CADM4: variants seen among roughly 807,000 people sequenced by gnomAD.
The protein encoded by CADM4 is cell adhesion molecule 4.
Under a neutral mutation model 43.9 loss-of-function variants are expected in CADM4, and 13 were observed. That is an observed-to-expected ratio of 0.30 (90% CI 0.19 to 0.47). The LOEUF is 0.47. CADM4 is among the 20% of genes least tolerant of loss of function. The probability of loss-of-function intolerance (pLI) is 1.00; values close to 1 mark genes in which losing one functional copy is unlikely to be tolerated. For synonymous variants in CADM4, 209 were observed against 220.9 expected (o/e 0.95, Z 0.48); for missense variants, 420 against 527.0 (o/e 0.80, Z 1.99).
In CADM4 at chr19:43,625,577, A is replaced by AT. The variant is rs1359037197; in HGVS notation, c.756-328_756-327insA. 2.7e-4 allele frequency among the ~76,000 whole-genome samples: 37 copies of AT among 138,710 alleles called. No homozygotes were observed. The highest frequency in any genetic ancestry group is 9.6e-4 in the South Asian group (4 of 4,160). 91.0% of individuals were successfully genotyped at this position (138,710 alleles called of 152,430 possible). ...AGGGAGACCCCGTCACTACAATTAAAAAATAATAATAATAATAATAATAAT... is the reference window on the plus strand; with the variant it reads ...AGGGAGACCCCGTCACTACAATTAAATAAATAATAATAATAATAATAATAAT... On this transcript the variant is annotated intron_variant, in intron 6 of 8. Coordinates refer to ENST00000222374, the MANE Select transcript of CADM4 (RefSeq NM_145296.2). This position sits in a 1 kb window ranked among gnomAD's most constrained non-coding sequence, Gnocchi z 4.5.
At position 43,636,337 on chromosome 19, in the gene CADM4, G is replaced by A. The variant is rs552878839; in HGVS notation, c.64+3390C>T. 4.6e-3 allele frequency among the ~76,000 whole-genome samples: 695 copies of A among 152,236 alleles called. 2 individuals carry two copies. The highest frequency in any genetic ancestry group is 7.4e-3 in the Non-Finnish European group (506 of 67,994). On this transcript the variant is annotated intron_variant, in intron 1 of 8. Transcript: ENST00000222374. ...GAGGTCCTCCCTGGGTGTGGGGTAC[G>A]AGAGGAATTCCTGCTCCGGGAAGGG...
chr19:43,625,145 G>A lies in CADM4; in HGVS notation c.861C>T (p.Gly287=). The stretch of plus-strand genomic sequence containing the variant: ...TATTGGACGCCTCGCAAGTGTAGGT[G>A]CCGTTATCCGCGGATACCAGACCCG... ...TLPGLVSADN[G]TYTCEASNKH... Residue 287 remains glycine (G), a synonymous_variant, in exon 7 of 9, where the codon GGC becomes GGT. Coordinates refer to ENST00000222374, the MANE Select transcript of CADM4 (RefSeq NM_145296.2). This position sits in a 1 kb window ranked among gnomAD's most constrained non-coding sequence, Gnocchi z 4.5. 1 of 1,614,106 alleles carries A rather than the reference G, an allele frequency of 6.2e-7. No individual in the cohort carries two copies.
In CADM4 at chr19:43,623,326, A is replaced by G; in HGVS notation, c.*4T>C. 6.2e-7 allele frequency: 1 copy of G among 1,611,124 alleles called. No homozygotes were observed. The highest frequency in any genetic ancestry group is 8.5e-7 in the Non-Finnish European group (1 of 1,177,606). On this transcript the variant is annotated 3_prime_UTR_variant, in exon 9 of 9. Transcript: ENST00000222374. The surrounding 1 kb of genome is among the most constrained non-coding windows in gnomAD (Gnocchi z 4.4). ...CCAGGCCTAGGCCTGGGGTGGGGAT[A>G]GGGTCAGATGAAGAATTCCTCTTTC...
At position 43,627,155 on chromosome 19, in the gene CADM4, G is replaced by T. The variant is rs774965637; in HGVS notation, c.364+11C>A. On this transcript the variant is annotated intron_variant, in intron 3 of 8. Transcript: ENST00000222374. The surrounding 1 kb of genome is among the most constrained non-coding windows in gnomAD (Gnocchi z 4.0). ...AGGAGAGGATGCGTCTGACAAGGGG[G>T]AGGGCGTTACCTAGTACCGTGAGCG... is the stretch of plus-strand genomic sequence containing the variant. The T allele has an allele frequency of 2.6e-6, 4 of 1,558,056 alleles. No homozygotes were observed. The highest frequency in any genetic ancestry group is 3.5e-6 in the Non-Finnish European group (4 of 1,147,914).
chr19:43,639,929 A>AT (rs1255531661), upstream of CADM4: 1 of 612,456 alleles, frequency 1.6e-6, no homozygotes. Context: ...CGGGGAGGGG[A>AT]GGGGGAGACG....
chr19:43,624,951 T>C, intron 7 of CADM4, 127 bp downstream of exon 7: 3 of 1,062,392 alleles, frequency 2.8e-6, no homozygotes, highest in Non-Finnish European at 4.0e-6. Context: ...CGGGCCAGTC[T>C]GGTCCCAAAA....
chr19:43,623,100 C>T lies in CADM4; in HGVS notation c.*230G>A. On this transcript the variant is annotated 3_prime_UTR_variant, in exon 9 of 9. Transcript: ENST00000222374. The surrounding 1 kb of genome is among the most constrained non-coding windows in gnomAD (Gnocchi z 4.4). ...CTCACTGGACTTGGGGGGTCTGGAC[C>T]TTTGGCCCCTGCCCCCTGGGGGACC... 1.9e-6 allele frequency: 1 copy of T among 532,918 alleles called. No homozygotes were observed. Among genetic ancestry groups the T allele is most frequent in the South Asian group, 2.2e-5 (1 of 46,478 alleles). The allele number at this position is 532,918 out of a possible 1,614,324, so 33.0% of individuals were successfully genotyped here.
chr19:43,627,402 G>A lies in CADM4; in HGVS notation c.212-84C>T. 6.9e-7 allele frequency: 1 copy of A among 1,441,296 alleles called. No individual in the cohort carries two copies. The highest frequency in any genetic ancestry group is 2.4e-5 in the East Asian group (1 of 41,390). 89.3% of individuals were successfully genotyped at this position (1,441,296 alleles called of 1,614,324 possible). A position where few individuals can be genotyped will look rare whatever the true frequency, so the allele number is the denominator to read the frequency against. On this transcript the variant is annotated intron_variant, in intron 2 of 8. Coordinates refer to ENST00000222374, the MANE Select transcript of CADM4 (RefSeq NM_145296.2). This position sits in a 1 kb window ranked among gnomAD's most constrained non-coding sequence, Gnocchi z 4.0. ...CCTTCCGACAGGAGCTTAGAGTCCAGCCCTCTGCCTCTTTTCTCCAGCCAT... is the reference window on the plus strand; with the variant it reads ...CCTTCCGACAGGAGCTTAGAGTCCAACCCTCTGCCTCTTTTCTCCAGCCAT...
chr19:43,627,648 G>C lies in CADM4; in HGVS notation c.207C>G (p.Thr69=), dbSNP rs769946070. The change falls in exon 2 of 9, where the codon ACC becomes ACG. Residue 69 remains threonine (T), a synonymous_variant. Transcript: ENST00000222374. This position sits in a 1 kb window ranked among gnomAD's most constrained non-coding sequence, Gnocchi z 4.0. ...PARQTLFFNG[T]RALKDERFQL... ...AGTCTGGTCCCCAGCACTCACCACG[G>C]GTGCCATTGAAGAAGAGGGTCTGCC... The C allele has an allele frequency of 1.9e-6, 3 of 1,613,246 alleles. No homozygotes were observed. The Admixed American group carries it at 5.0e-5, about 27-fold the overall frequency.
At chr19:43,640,571 G>T (rs1973762772), upstream of CADM4, among the ~76,000 whole-genome samples, 1 of 152,010 alleles carries the variant, frequency 6.6e-6, no homozygotes, top group Non-Finnish European at 1.5e-5. Context: ...TCCGGGAGGG[G>T]CCCCCTGAAA....
intron 8 of CADM4, 67 bp downstream of exon 8, chr19:43,624,047 C>G (rs1050753635): frequency 1.9e-6 from 3 of 1,588,396 alleles, no homozygotes; most frequent in African/African-American, 2.7e-5. Context: ...TACCCTGGCT[C>G]TAGGCCCCGC....
At position 43,626,043 on chromosome 19, in the gene CADM4, T is replaced by G; in HGVS notation, c.665-42A>C. ...AGAGGAGAGAGTAGTTTCCAAGCCA[T>G]CACGCAGGACAAGGGGGACCCTCGC... On this transcript the variant is annotated intron_variant, in intron 5 of 8. Transcript: ENST00000222374. This position sits in a 1 kb window ranked among gnomAD's most constrained non-coding sequence, Gnocchi z 5.9. The G allele has an allele frequency of 6.2e-7, 1 of 1,613,528 alleles. No homozygotes were observed. Among genetic ancestry groups the G allele is most frequent in the South Asian group, 1.1e-5 (1 of 91,034 alleles).
At chr19:43,629,323 T>C (rs1249981567) in intron 1 of CADM4, among the ~76,000 whole-genome samples, 2 of 152,186 alleles carry the variant, frequency 1.3e-5, no homozygotes, top group African/African-American at 4.8e-5. Flanking sequence ...TATACCTTTT[T>C]GTTAAGCCAT....
upstream of CADM4, chr19:43,639,959 A>C: frequency 5.1e-5 from 19 of 370,674 alleles, no homozygotes; most frequent in Non-Finnish European, 6.3e-5. Context: ...CCCGGAGACA[A>C]TCGGGGGGAC....
rs1316180362 is a variant in CADM4, at chr19:43,627,385, C to G, written c.212-67G>C. 1 of 1,498,404 alleles carries G rather than the reference C, an allele frequency of 6.7e-7. No individual in the cohort carries two copies. The highest frequency in any genetic ancestry group is 1.4e-5 in the African/African-American group (1 of 71,466). The allele number at this position is 1,498,404 out of a possible 1,614,324, so 92.8% of individuals were successfully genotyped here. On this transcript the variant is annotated intron_variant, in intron 2 of 8. Transcript: ENST00000222374. The surrounding 1 kb of genome is among the most constrained non-coding windows in gnomAD (Gnocchi z 4.0). ...GGCCTCACAAGTCCCACCCTTCCGA[C>G]AGGAGCTTAGAGTCCAGCCCTCTGC... is the stretch of plus-strand genomic sequence containing the variant.
chr19:43,640,191 G>T (rs1973758611), upstream of CADM4, among the ~76,000 whole-genome samples: 1 of 151,714 alleles, frequency 6.6e-6, no homozygotes, highest in African/African-American at 2.4e-5. Context: ...GCTGCGCGGA[G>T]GGGAGGGTGG....
At chr19:43,631,617 A>G (rs1224161741) in intron 1 of CADM4, among the ~76,000 whole-genome samples, 1 of 152,224 alleles carries the variant, frequency 6.6e-6, no homozygotes, top group Admixed American at 6.5e-5. Context: ...AATTTTGTCC[A>G]GTTGGATATA....
Position 43,626,106 on chromosome 19 carries a change from G to T in CADM4, c.664+18C>A, listed in dbSNP as rs780327027. On this transcript the variant is annotated intron_variant, in intron 5 of 8. Coordinates refer to ENST00000222374, the MANE Select transcript of CADM4 (RefSeq NM_145296.2). This position sits in a 1 kb window ranked among gnomAD's most constrained non-coding sequence, Gnocchi z 5.9. ...CTGGCGTTGGGATCCCTTGGGTCCT[G>T]GCCCGCCGGTCACTTACACTGCACA... 1 of 1,612,432 alleles carries T rather than the reference G, an allele frequency of 6.2e-7. No individual in the cohort carries two copies. The highest frequency in any genetic ancestry group is 1.7e-5 in the Admixed American group (1 of 59,758).
chr19:43,641,040 C>T (rs1973766755), upstream of CADM4, among the ~76,000 whole-genome samples: 1 of 150,298 alleles, frequency 6.7e-6, no homozygotes, highest in Admixed American at 6.7e-5. Flanking sequence ...ACGATCTCGA[C>T]TCACTGCAAC....
Sources: gnomAD v4.1 joint callset for allele counts (sites outside exome capture counted in the v4.1 genomes callset) on GRCh38, gnomAD v4.1.1 for gene constraint, Gnocchi (gnomAD v3.1) non-coding constraint, MANE v1.5 for transcripts, NCBI Gene and HGNC (gene_info 2026-07-23, HGNC 2026-07-21) for gene names.